ZNF469: variants seen among roughly 807,000 people sequenced by gnomAD.
ZNF469 encodes the protein zinc finger protein 469.
In ZNF469, 1 loss-of-function variant was observed where a neutral mutation model predicts 1.0. The observed-to-expected ratio is 1.00, with a 90% CI of 0.35 to 4.73. The LOEUF (loss-of-function observed/expected upper bound fraction) is 4.73, where lower values mean the gene tolerates loss of function less well. Ranked by LOEUF, ZNF469 falls within the 30% of genes most tolerant of loss-of-function variation. ZNF469 has a pLI of 0.16. For synonymous variants in ZNF469, 2,703 were observed against 2,363.4 expected (o/e 1.14, Z -4.17); for missense variants, 6,100 against 5,356.3 (o/e 1.14, Z -4.33).
chr16:88,385,432 T>C (rs1400778631), intron 1 of ZNF469, among the ~76,000 whole-genome samples: 1 of 151,860 alleles, frequency 6.6e-6, no homozygotes, highest in East Asian at 1.9e-4. Context: ...GCCCAGGAGT[T>C]TGAGGCCAGC....
At chr16:88,413,947 C>T (rs769332319) in intron 1 of ZNF469, among the ~76,000 whole-genome samples, 2 of 152,216 alleles carry the variant, frequency 1.3e-5, no homozygotes, top group African/African-American at 2.4e-5. Context: ...CCTGAGCCTC[C>T]ACCAAGAGGG....
the ZNF469 span, among the ~76,000 whole-genome samples, chr16:88,249,874 C>T: frequency 6.6e-6 from 1 of 152,208 alleles, no homozygotes; most frequent in Admixed American, 6.5e-5. Context: ...CCATGACCTG[C>T]TTCTAGATCA....
At chr16:88,344,314 T>C in the ZNF469 span, among the ~76,000 whole-genome samples, 7 of 152,302 alleles carry the variant, frequency 4.6e-5, 1 homozygote, top group South Asian at 1.0e-3. Context: ...GTGTCGATGC[T>C]GGTTCCTTAG....
At chr16:88,247,184 G>C in the ZNF469 span, among the ~76,000 whole-genome samples, 1 of 151,992 alleles carries the variant, frequency 6.6e-6, no homozygotes, top group Non-Finnish European at 1.5e-5. Context: ...GTGAATGAGT[G>C]AGTGAATCAG....
the ZNF469 span, among the ~76,000 whole-genome samples, chr16:88,249,438 T>C: frequency 1.7e-5 from 1 of 59,924 alleles, no homozygotes; most frequent in Non-Finnish European, 4.9e-5. Flanking sequence ...TCTTTTTTTT[T>C]TTTTTTTTTT....
the ZNF469 span, among the ~76,000 whole-genome samples, chr16:88,308,147 C>T: frequency 5.3e-4 from 81 of 152,360 alleles, no homozygotes; most frequent in African/African-American, 1.9e-3. Context: ...TGGACTGTAA[C>T]TCTGAGGGTT....
chr16:88,374,792 G>A, the ZNF469 span, among the ~76,000 whole-genome samples: 1 of 139,744 alleles, frequency 7.2e-6, no homozygotes, highest in Non-Finnish European at 1.7e-5. Context: ...GGCTGAGATC[G>A]ACGCTGCTGA....
the ZNF469 span, among the ~76,000 whole-genome samples, chr16:88,148,964 C>T: frequency 6.6e-6 from 1 of 152,144 alleles, no homozygotes; most frequent in African/African-American, 2.4e-5. Context: ...TGGCAGGGAC[C>T]CTCACTGCGG....
At chr16:88,230,558 CTG>C in the ZNF469 span, among the ~76,000 whole-genome samples, 1 of 144,218 alleles carries the variant, frequency 6.9e-6, no homozygotes, top group Admixed American at 6.9e-5. Context: ...CTTATGAGGG[CTG>C]ATGAGCAGGT....
the ZNF469 span, among the ~76,000 whole-genome samples, chr16:88,302,720 G>A: frequency 3.3e-5 from 5 of 152,180 alleles, no homozygotes; most frequent in African/African-American, 9.7e-5. Flanking sequence ...CTTGGACTCC[G>A]AGGCCCCTGT....
chr16:88,319,762 C>T, the ZNF469 span, among the ~76,000 whole-genome samples: 7 of 152,352 alleles, frequency 4.6e-5, no homozygotes, highest in East Asian at 3.9e-4. Context: ...AGCCGGCCCC[C>T]AGGCCTCCCT....
At chr16:88,417,068 C>T (rs1905320890) in intron 1 of ZNF469, among the ~76,000 whole-genome samples, 1 of 152,226 alleles carries the variant, frequency 6.6e-6, no homozygotes, top group South Asian at 2.1e-4. Flanking sequence ...GACTTGGGCA[C>T]CGCCTGCCCT....
chr16:88,330,240 C>CCTGTGAGTGTTGTGTGGGT, the ZNF469 span, among the ~76,000 whole-genome samples: 1 of 152,192 alleles, frequency 6.6e-6, no homozygotes, highest in African/African-American at 2.4e-5. Context: ...ATCCTGTGGG[C>CCTGTGAGTGTTGTGTGGGT]GTCCTGTGAG....
At chr16:88,242,399 T>C in the ZNF469 span, among the ~76,000 whole-genome samples, 1 of 152,202 alleles carries the variant, frequency 6.6e-6, no homozygotes, top group African/African-American at 2.4e-5. Context: ...GGCCTCTCCC[T>C]GGCTTGTCGA....
chr16:88,266,635 C>T, the ZNF469 span, among the ~76,000 whole-genome samples: 1 of 152,300 alleles, frequency 6.6e-6, no homozygotes, highest in South Asian at 2.1e-4. Flanking sequence ...GAGAAGGTTA[C>T]CTATTGCTCT....
At chr16:88,401,941 TGGG>T (rs1377029275) in intron 1 of ZNF469, among the ~76,000 whole-genome samples, 15 of 22,318 alleles carry the variant, frequency 6.7e-4, no homozygotes, top group African/African-American at 4.0e-3. Flanking sequence ...GATAGATACG[TGGG>T]TGGATGGGAA....
chr16:88,407,559 C>A (rs1381501954), intron 1 of ZNF469, among the ~76,000 whole-genome samples: 6 of 152,372 alleles, frequency 3.9e-5, no homozygotes, highest in Admixed American at 3.9e-4. Context: ...TCATTTCAAC[C>A]CTGTGTGGCT....
At chr16:88,103,760 G>GC in the ZNF469 span, among the ~76,000 whole-genome samples, 83 of 145,842 alleles carry the variant, frequency 5.7e-4, no homozygotes, top group African/African-American at 2.1e-3. Context: ...CCGTGGCACG[G>GC]GGGTGGGTGG....
the ZNF469 span, among the ~76,000 whole-genome samples, chr16:88,274,904 G>A: frequency 6.6e-6 from 1 of 152,356 alleles, no homozygotes; most frequent in South Asian, 2.1e-4. Flanking sequence ...CTGGCCCCCA[G>A]GCAACAGCCG....
Sources: gnomAD v4.1 joint callset for allele counts (sites outside exome capture counted in the v4.1 genomes callset) on GRCh38, gnomAD v4.1.1 for gene constraint, MANE v1.5 for transcripts, NCBI Gene and HGNC (gene_info 2026-07-23, HGNC 2026-07-21) for gene names.